The following TBC1D5 variants were observed in gnomAD, a reference collection of about 807,000 sequenced individuals.
The protein encoded by TBC1D5 is TBC1 domain family, member 5.
In TBC1D5, 75 loss-of-function variants were observed where a neutral mutation model predicts 100.3. That is an observed-to-expected ratio of 0.75 (90% CI 0.62 to 0.91). TBC1D5 has a LOEUF of 0.91. Among genes scored for constraint, TBC1D5 ranks in the 40% least tolerant of loss-of-function variants. The pLI is 0.00. For synonymous variants in TBC1D5, 323 were observed against 325.6 expected, an observed-to-expected ratio of 0.99 and a Z score of 0.09; for missense variants, 910 against 942.4, an observed-to-expected ratio of 0.97 and a Z score of 0.45.
chr3:17,190,823 C>T (rs986166854), intron 18 of TBC1D5, among the ~76,000 whole-genome samples: 2 of 152,130 alleles, frequency 1.3e-5, no homozygotes, highest in African/African-American at 4.8e-5. Context: ...GGAACCAACA[C>T]TAACTGTAGG....
intron 19 of TBC1D5, among the ~76,000 whole-genome samples, chr3:17,182,951 C>A (rs887739608): frequency 6.6e-6 from 1 of 152,050 alleles, no homozygotes; most frequent in Non-Finnish European, 1.5e-5. Flanking sequence ...TCTTTAAACG[C>A]AATCTTTACC....
intron 13 of TBC1D5, among the ~76,000 whole-genome samples, chr3:17,335,667 G>A (rs1337187018): frequency 1.3e-5 from 2 of 151,974 alleles, no homozygotes; most frequent in African/African-American, 4.8e-5. Flanking sequence ...GTTAAGAATC[G>A]AAACAATGAT....
chr3:17,262,830 C>T (rs992500178), intron 15 of TBC1D5, among the ~76,000 whole-genome samples: 5 of 151,786 alleles, frequency 3.3e-5, no homozygotes, highest in African/African-American at 9.7e-5. Context: ...ATTTTCCTTT[C>T]GAAGAAAGAT....
intron 8 of TBC1D5, among the ~76,000 whole-genome samples, chr3:17,396,765 G>T (rs1461778100): frequency 6.6e-6 from 1 of 151,696 alleles, no homozygotes; most frequent in East Asian, 1.9e-4. Flanking sequence ...AAAGGTGAGA[G>T]AAAAGAAATA....
intron 1 of TBC1D5, among the ~76,000 whole-genome samples, chr3:17,687,881 A>AT (rs2070542174): frequency 6.6e-6 from 1 of 152,196 alleles, no homozygotes; most frequent in South Asian, 2.1e-4. Flanking sequence ...TAAAACTGGG[A>AT]TTCTTTTGTA....
chr3:17,167,773 C>T, exon 20 of TBC1D5: 1 of 1,613,278 alleles, frequency 6.2e-7, no homozygotes, highest in Non-Finnish European at 8.5e-7. Context: ...CCAGGGAAAC[C>T]AGAATTTGAT....
intron 2 of TBC1D5, among the ~76,000 whole-genome samples, chr3:17,608,065 T>C (rs1279606913): frequency 6.6e-6 from 1 of 152,302 alleles, no homozygotes; most frequent in East Asian, 1.9e-4. Context: ...AAAACCAGCC[T>C]GGCCAACATT....
intron 13 of TBC1D5, among the ~76,000 whole-genome samples, chr3:17,328,298 A>G (rs1280537075): frequency 6.6e-6 from 1 of 152,096 alleles, no homozygotes; most frequent in Non-Finnish European, 1.5e-5. Flanking sequence ...AAGTCCTTTA[A>G]AACTGTCTTT....
At chr3:17,379,202 A>G (rs1182812481) in intron 9 of TBC1D5, among the ~76,000 whole-genome samples, 1 of 151,822 alleles carries the variant, frequency 6.6e-6, no homozygotes, top group African/African-American at 2.4e-5. Context: ...TGTTATTGGC[A>G]TTGCATTTAA....
chr3:17,544,600 G>A (rs975215816), intron 2 of TBC1D5, among the ~76,000 whole-genome samples: 5 of 147,228 alleles, frequency 3.4e-5, no homozygotes, highest in East Asian at 2.0e-4. Flanking sequence ...GCAGTGAGCC[G>A]AGATCGCGCC....
intron 3 of TBC1D5, among the ~76,000 whole-genome samples, chr3:17,470,383 T>C (rs918942292): frequency 1.3e-5 from 2 of 152,106 alleles, no homozygotes; most frequent in African/African-American, 4.8e-5. Context: ...TTTTAAAAAA[T>C]AAAAACACTA....
chr3:17,191,225 G>A (rs1195112336), intron 18 of TBC1D5, among the ~76,000 whole-genome samples: 1 of 152,166 alleles, frequency 6.6e-6, no homozygotes, highest in Admixed American at 6.5e-5. Flanking sequence ...TACCTTCTCT[G>A]TGATTCTGAC....
At chr3:17,318,882 C>T (rs111492194) in intron 13 of TBC1D5, among the ~76,000 whole-genome samples, 9,410 of 152,162 alleles carry the variant, frequency 0.062, 309 homozygotes, top group South Asian at 0.081. Context: ...TGATGAATCG[C>T]AATCTGCTAG....
chr3:17,473,676 A>G (rs1369200428), intron 3 of TBC1D5, among the ~76,000 whole-genome samples: 2 of 152,184 alleles, frequency 1.3e-5, no homozygotes, highest in Admixed American at 1.3e-4. Context: ...CAGTAAATCA[A>G]ATTTGATGAG....
At chr3:17,512,512 C>G (rs150892262) in intron 2 of TBC1D5, among the ~76,000 whole-genome samples, 367 of 152,242 alleles carry the variant, frequency 2.4e-3, no homozygotes, top group African/African-American at 7.6e-3. Context: ...TAGTAGATGA[C>G]TACTTAAATC....
At chr3:17,533,548 A>T (rs769938877) in intron 2 of TBC1D5, among the ~76,000 whole-genome samples, 21 of 152,326 alleles carry the variant, frequency 1.4e-4, no homozygotes, top group Middle Eastern at 6.8e-3. Flanking sequence ...GTCTCTGATT[A>T]AAAACACTGC....
chr3:17,356,608 T>TA (rs1253503554), intron 13 of TBC1D5, among the ~76,000 whole-genome samples: 1 of 152,208 alleles, frequency 6.6e-6, no homozygotes, highest in Non-Finnish European at 1.5e-5. Context: ...AAGAAATTTT[T>TA]AAAAGATACA....
At chr3:17,394,572 T>A (rs2093445460) in intron 8 of TBC1D5, among the ~76,000 whole-genome samples, 1 of 152,052 alleles carries the variant, frequency 6.6e-6, no homozygotes, top group Non-Finnish European at 1.5e-5. Context: ...CAAGAAAATC[T>A]AGGAGAATAA....
At chr3:17,514,835 G>A (rs552931601) in intron 2 of TBC1D5, among the ~76,000 whole-genome samples, 1 of 152,234 alleles carries the variant, frequency 6.6e-6, no homozygotes, top group South Asian at 2.1e-4. Context: ...AGATGCTCAA[G>A]ATGCAGAGAC....
Sources: allele counts gnomAD v4.1 joint callset (sites outside exome capture counted in the v4.1 genomes callset), GRCh38; gene constraint gnomAD v4.1.1; transcripts MANE v1.5; gene names NCBI Gene and HGNC (gene_info 2026-07-23, HGNC 2026-07-21).